Variants in SIK3 observed in about 807,000 individuals in gnomAD.
SIK3 encodes the protein SIK family kinase 3.
Under a neutral mutation model 144.2 loss-of-function variants are expected in SIK3, and 28 were observed. The observed-to-expected ratio is 0.19, with a 90% CI of 0.14 to 0.27. SIK3 has a LOEUF of 0.27. SIK3 is among the 10% of genes least tolerant of loss of function. The pLI, the probability that SIK3 is intolerant of heterozygous loss-of-function variation, is 1.00. For synonymous variants in SIK3, 686 were observed against 676.3 expected (o/e 1.01, Z -0.22); for missense variants, 1,319 against 1,776.0 (o/e 0.74, Z 4.62).
chr11:116,989,848 T>C (rs143051855), intron 1 of SIK3, among the ~76,000 whole-genome samples: 221 of 152,282 alleles, frequency 1.5e-3, no homozygotes, highest in African/African-American at 5.2e-3. Context: ...AAAGTTTAAC[T>C]TGAAAAGGTA....
chr11:116,950,303 G>A (rs1948873369), intron 3 of SIK3: 1 of 352,182 alleles, frequency 2.8e-6, no homozygotes, highest in Non-Finnish European at 5.9e-6. Context: ...TTGAGGAGAA[G>A]TGACAAATAA....
chr11:116,861,779 T>G, intron 18 of SIK3, 62 bp downstream of exon 18: 1 of 1,140,036 alleles, frequency 8.8e-7, no homozygotes, highest in East Asian at 2.4e-5. Flanking sequence ...TCCCAGTGAG[T>G]CAAGCCAAGG....
chr11:116,956,875 T>C, intron 2 of SIK3, 73 bp downstream of exon 2: 1 of 890,162 alleles, frequency 1.1e-6, no homozygotes, highest in Non-Finnish European at 1.6e-6. Context: ...CCCACCCACA[T>C]TTCTTCAAAG....
At chr11:116,937,658 T>C (rs1396135614) in intron 3 of SIK3, among the ~76,000 whole-genome samples, 1 of 152,192 alleles carries the variant, frequency 6.6e-6, no homozygotes. Context: ...AAAGTGACTA[T>C]GTTAACGTCA....
Position 116,845,643 on chromosome 11 carries a change from GAC to G in SIK3, c.*14-16_*14-15del, listed in dbSNP as rs1214700587. ...TGTACACAAAACCTGGAATAAAGCAGACACAGAGGAGAATTAGTTTGAAAAGA... is the reference window on the plus strand; with the variant it reads ...TGTACACAAAACCTGGAATAAAGCAGACAGAGGAGAATTAGTTTGAAAAGA... On this transcript the variant is annotated splice_polypyrimidine_tract_variant and intron_variant, in intron 24 of 24. Transcript: ENST00000445177. The G allele has an allele frequency of 4.6e-5, 7 of 152,360 alleles. No homozygotes were observed. The East Asian group carries it at 1.3e-3, about 29-fold the overall frequency. 9.4% of individuals were successfully genotyped at this position (152,360 alleles called of 1,614,324 possible).
At chr11:116,929,545 C>G (rs1326473412) in intron 3 of SIK3, among the ~76,000 whole-genome samples, 1 of 152,184 alleles carries the variant, frequency 6.6e-6, no homozygotes, top group Non-Finnish European at 1.5e-5. Context: ...GTTCTCAAAA[C>G]TGTTATACGG....
intron 6 of SIK3, among the ~76,000 whole-genome samples, chr11:116,886,527 C>A (rs1944828734): frequency 6.6e-6 from 1 of 152,120 alleles, no homozygotes; most frequent in Non-Finnish European, 1.5e-5. Context: ...TTTTGCGTTC[C>A]CAGTAATAAA....
At chr11:116,897,134 A>G in intron 5 of SIK3, 59 bp downstream of exon 5, 1 of 1,562,418 alleles carries the variant, frequency 6.4e-7, no homozygotes, top group Admixed American at 1.8e-5. Flanking sequence ...GGATGCGAAT[A>G]GCTGTCATCA....
At chr11:117,032,303 T>C (rs1004648076) in intron 1 of SIK3, among the ~76,000 whole-genome samples, 1 of 152,220 alleles carries the variant, frequency 6.6e-6, no homozygotes, top group African/African-American at 2.4e-5. Flanking sequence ...ATGAACACAG[T>C]ATCTCTCACT....
chr11:116,875,490 C>T, intron 9 of SIK3, 39 bp from the exon 10 acceptor site: 1 of 1,583,514 alleles, frequency 6.3e-7, no homozygotes, highest in Non-Finnish European at 8.7e-7. Flanking sequence ...ATACCTTTAA[C>T]ACTAGAGAGA....
intron 1 of SIK3, among the ~76,000 whole-genome samples, chr11:117,032,676 T>A (rs568335580): frequency 0.082 from 6,746 of 82,716 alleles, 509 homozygotes; most frequent in African/African-American, 0.29. Context: ...CACCTTTTCT[T>A]TTTTTTTTTT....
intron 1 of SIK3, among the ~76,000 whole-genome samples, chr11:116,971,607 AT>A (rs1949765677): frequency 6.6e-6 from 1 of 152,258 alleles, no homozygotes; most frequent in African/African-American, 2.4e-5. Flanking sequence ...CAATAAAATA[AT>A]TCAAAGCATC....
At chr11:117,034,015 A>G (rs1227433978) in intron 1 of SIK3, among the ~76,000 whole-genome samples, 2 of 152,220 alleles carry the variant, frequency 1.3e-5, no homozygotes, top group African/African-American at 4.8e-5. Flanking sequence ...AATGAAGTTA[A>G]GTTTTATAAA....
chr11:116,866,406 G>A (rs1299582801), intron 15 of SIK3, among the ~76,000 whole-genome samples: 1 of 152,142 alleles, frequency 6.6e-6, no homozygotes, highest in East Asian at 1.9e-4. Flanking sequence ...TATAGGGGAG[G>A]AGAAGGCAGG....
rs761672547 is a variant in SIK3 at position 116,875,200 on chromosome 11, T to C, written c.1385A>G (p.Tyr462Cys). 1.1e-5 allele frequency: 18 copies of C among 1,614,032 alleles called. No individual in the cohort carries two copies. In the Admixed American group the frequency reaches 1.2e-4, roughly 10 times the overall value. ...CACTGTGTGCCTCCTCATTGACAAA[T>C]AGCGCACCAATGCTTCAGGGGAAGG... is the stretch of plus-strand genomic sequence containing the variant. ...EEPSPEALVR[Y>C]LSMRRHTVGV... Residue 462 changes from tyrosine to cysteine, a missense_variant, in exon 11 of 25, where the codon TAT becomes TGT. By Grantham distance (194) the Tyr-to-Cys change is radical (BLOSUM62 -2). This residue lies in a region of SIK3 where 167 missense variants were observed against 263.3 expected (regional missense o/e 0.63). Transcript: ENST00000445177.
At chr11:116,999,251 T>C (rs568332508) in intron 1 of SIK3, among the ~76,000 whole-genome samples, 2 of 152,252 alleles carry the variant, frequency 1.3e-5, no homozygotes, top group Non-Finnish European at 2.9e-5. Context: ...ACTTCACTTG[T>C]AGGTCCATCT....
At chr11:116,958,235 T>C (rs535004099) in intron 1 of SIK3, among the ~76,000 whole-genome samples, 67 of 152,242 alleles carry the variant, frequency 4.4e-4, no homozygotes, top group Non-Finnish European at 1.2e-4. Flanking sequence ...AAAGTAAAAA[T>C]GTTTAGCTCA....
At chr11:116,861,948 G>A (rs1943355569) in intron 17 of SIK3, 22 bp from the exon 18 acceptor site, 1 of 1,543,778 alleles carries the variant, frequency 6.5e-7, no homozygotes, top group Non-Finnish European at 8.9e-7. Context: ...ATGGGGAAAG[G>A]AAAAAAATTA....
Position 116,898,607 on chromosome 11 carries a change from C to T in SIK3, c.617-1290G>A, listed in dbSNP as rs924457037. On this transcript the variant is annotated intron_variant, in intron 4 of 24. Coordinates refer to ENST00000445177, the MANE Select transcript of SIK3 (RefSeq NM_001366686.3). ...GTCCCACCAACAGTGTAAAAGTGTT[C>T]CTATTTCTCCACATCCTCTCCAGCA... Among the ~76,000 whole-genome samples, 10 of 151,438 alleles carry T rather than the reference C, an allele frequency of 6.6e-5. 1 individual carries two copies. Among genetic ancestry groups the T allele is most frequent in the Admixed American group, 3.3e-4 (5 of 15,200 alleles).
Sources: gnomAD v4.1 joint callset for allele counts (sites outside exome capture counted in the v4.1 genomes callset) on GRCh38, gnomAD v4.1.1 for gene constraint, gnomAD v4.1.1 regional missense constraint, MANE v1.5 for transcripts, NCBI Gene and HGNC (gene_info 2026-07-23, HGNC 2026-07-21) for gene names.